Variants in RBFOX1 observed in about 807,000 individuals in gnomAD.
RBFOX1 encodes the protein RNA binding protein fox-1 homolog 1.
Under a neutral mutation model 57.7 loss-of-function variants are expected in RBFOX1, and 8 were observed. The ratio of observed to expected loss-of-function variants is 0.14; its 90% CI spans 0.08 to 0.25. The LOEUF is 0.25. RBFOX1 is among the 10% of genes least tolerant of loss of function. RBFOX1 has a pLI of 1.00. For synonymous variants in RBFOX1, 326 were observed against 222.4 expected, an observed-to-expected ratio of 1.47 and a Z score of -4.15; for missense variants, 611 against 548.5, an observed-to-expected ratio of 1.11 and a Z score of -1.14.
chr16:5,346,237 G>C (rs1400739748), intron 1 of RBFOX1, among the ~76,000 whole-genome samples: 3 of 152,166 alleles, frequency 2.0e-5, no homozygotes, highest in Non-Finnish European at 2.9e-5. Context: ...TCCAGTCTCG[G>C]TATGCCCAGT....
intron 1 of RBFOX1, among the ~76,000 whole-genome samples, chr16:6,113,700 C>A (rs1288008688): frequency 1.3e-5 from 2 of 152,212 alleles, no homozygotes; most frequent in Non-Finnish European, 1.5e-5. Context: ...TGAAACTGGA[C>A]CTTGGGCTTC....
chr16:7,423,667 G>T (rs1198539208), intron 4 of RBFOX1, among the ~76,000 whole-genome samples: 1 of 152,118 alleles, frequency 6.6e-6, no homozygotes, highest in Non-Finnish European at 1.5e-5. Flanking sequence ...TGTGATTTGG[G>T]GACCTTCTGG....
chr16:6,969,121 G>A (rs554310606), intron 3 of RBFOX1, among the ~76,000 whole-genome samples: 5 of 152,138 alleles, frequency 3.3e-5, no homozygotes, highest in Admixed American at 6.5e-5. Flanking sequence ...AGAGTACTGC[G>A]TGTGAACTTA....
At chr16:6,605,790 G>A (rs992109532) in intron 2 of RBFOX1, among the ~76,000 whole-genome samples, 1 of 152,098 alleles carries the variant, frequency 6.6e-6, no homozygotes, top group African/African-American at 2.4e-5. Context: ...AACAACACAC[G>A]GGAAACTATA....
At chr16:6,833,032 C>G (rs1202162379) in intron 3 of RBFOX1, among the ~76,000 whole-genome samples, 5 of 152,126 alleles carry the variant, frequency 3.3e-5, no homozygotes, top group African/African-American at 9.7e-5. Context: ...CTACAGGCCT[C>G]TTTTCTCTTA....
At chr16:6,818,505 A>G (rs531199688) in intron 3 of RBFOX1, among the ~76,000 whole-genome samples, 1 of 152,174 alleles carries the variant, frequency 6.6e-6, no homozygotes, top group African/African-American at 2.4e-5. Context: ...TTTGTTATGT[A>G]GTTACTAAAG....
At chr16:6,613,398 G>T (rs929172434) in intron 2 of RBFOX1, among the ~76,000 whole-genome samples, 1 of 152,028 alleles carries the variant, frequency 6.6e-6, no homozygotes, top group Non-Finnish European at 1.5e-5. Flanking sequence ...AGGACAAAGC[G>T]GGGGAATGAT....
At chr16:6,731,686 G>C (rs934731947) in intron 3 of RBFOX1, among the ~76,000 whole-genome samples, 6 of 152,030 alleles carry the variant, frequency 3.9e-5, no homozygotes, top group East Asian at 1.9e-4. Context: ...CACACGTTTT[G>C]AAAGTTTTCC....
intron 3 of RBFOX1, among the ~76,000 whole-genome samples, chr16:6,885,066 G>T (rs1293617010): frequency 6.6e-6 from 1 of 152,180 alleles, no homozygotes; most frequent in Non-Finnish European, 1.5e-5. Context: ...GAAATCTCCT[G>T]CAGAAACTGA....
chr16:5,880,799 C>T (rs535801514), intron 4 of RBFOX1, among the ~76,000 whole-genome samples: 1 of 152,168 alleles, frequency 6.6e-6, no homozygotes, highest in South Asian at 2.1e-4. Context: ...TACTTAGAAT[C>T]ACAAAGGAAA....
intron 1 of RBFOX1, among the ~76,000 whole-genome samples, chr16:5,432,246 G>GC (rs2067761384): frequency 6.6e-6 from 1 of 152,140 alleles, no homozygotes; most frequent in African/African-American, 2.4e-5. Context: ...AAATCGGCCT[G>GC]TAAAAATAAA....
chr16:7,590,647 G>T (rs896689713), intron 7 of RBFOX1, among the ~76,000 whole-genome samples: 3 of 151,946 alleles, frequency 2.0e-5, no homozygotes, highest in Non-Finnish European at 4.4e-5. Flanking sequence ...ATCACCTGAG[G>T]TCAGGAGTTC....
intron 3 of RBFOX1, among the ~76,000 whole-genome samples, chr16:5,645,747 C>T (rs1347349779): frequency 6.6e-6 from 1 of 152,220 alleles, no homozygotes; most frequent in African/African-American, 2.4e-5. Context: ...CTGACTGTAG[C>T]CTCAATCTCC....
At chr16:5,833,514 AAG>A (rs1261261355) in intron 3 of RBFOX1, among the ~76,000 whole-genome samples, 4 of 151,268 alleles carry the variant, frequency 2.6e-5, no homozygotes, top group African/African-American at 9.7e-5. Flanking sequence ...AAAAAAAAAA[AAG>A]AAAGAAATCT....
chr16:5,634,022 C>T (rs750931746), intron 3 of RBFOX1, among the ~76,000 whole-genome samples: 1 of 152,146 alleles, frequency 6.6e-6, no homozygotes, highest in African/African-American at 2.4e-5. Context: ...AATGGTGTTT[C>T]CTCTACTGCC....
At chr16:7,271,237 G>T (rs1000468753) in intron 4 of RBFOX1, among the ~76,000 whole-genome samples, 1 of 151,960 alleles carries the variant, frequency 6.6e-6, no homozygotes, top group Non-Finnish European at 1.5e-5. Context: ...TTGTCTACAC[G>T]TGTTTCCTAA....
intron 3 of RBFOX1, among the ~76,000 whole-genome samples, chr16:5,836,223 G>A (rs1354049868): frequency 6.6e-6 from 1 of 152,160 alleles, no homozygotes; most frequent in African/African-American, 2.4e-5. Flanking sequence ...GCCCAGGGGA[G>A]CCCAACTAGC....
intron 1 of RBFOX1, among the ~76,000 whole-genome samples, chr16:6,147,589 G>C (rs2096768109): frequency 6.6e-6 from 1 of 152,108 alleles, no homozygotes; most frequent in Non-Finnish European, 1.5e-5. Flanking sequence ...TAGAGGGGAT[G>C]GGGGCAAGAA....
chr16:7,059,289 C>T (rs12930124), intron 4 of RBFOX1, among the ~76,000 whole-genome samples: 2,453 of 152,266 alleles, frequency 0.016, 34 homozygotes, highest in Non-Finnish European at 0.024. Context: ...CCCCCTTCTC[C>T]CCACCCCTTG....
Sources: gnomAD v4.1 joint callset for allele counts (sites outside exome capture counted in the v4.1 genomes callset) on GRCh38, gnomAD v4.1.1 for gene constraint, MANE v1.5 for transcripts, NCBI Gene and HGNC (gene_info 2026-07-23, HGNC 2026-07-21) for gene names.